Variants in SHISA6 observed in about 807,000 individuals in gnomAD.
The protein encoded by SHISA6 is protein shisa-6.
SHISA6 carries 22 observed loss-of-function variants against 47.9 expected under a neutral mutation model. The ratio of observed to expected loss-of-function variants is 0.46; its 90% confidence interval spans 0.33 to 0.66. SHISA6 has a LOEUF of 0.66. Ranked by LOEUF, SHISA6 falls within the 30% of genes least tolerant of loss-of-function variation. The probability of loss-of-function intolerance (pLI) is 0.02; values close to 1 mark genes in which losing one functional copy is unlikely to be tolerated. For synonymous variants in SHISA6, 388 were observed against 337.8 expected, an observed-to-expected ratio of 1.15 and a Z score of -1.63; for missense variants, 680 against 764.6, an observed-to-expected ratio of 0.89 and a Z score of 1.30.
chr17:11,277,319 C>CACACACACACACACA (rs1597435976), intron 2 of SHISA6, among the ~76,000 whole-genome samples: 2 of 142,702 alleles, frequency 1.4e-5, no homozygotes, highest in African/African-American at 2.7e-5. Context: ...CACACACACA[C>CACACACACACACACA]CCCGCATGTA....
At position 11,366,701 on chromosome 17, in the gene SHISA6, C is replaced by A. The variant is rs769900203; in HGVS notation, c.800-12713C>A. Reference sequence around the variant, plus strand: ...TGGATGTGAAATGAAGCTTGCAAATCGTCCTGATGGGCCTTGCTGATGATA... The same window carrying A: ...TGGATGTGAAATGAAGCTTGCAAATAGTCCTGATGGGCCTTGCTGATGATA... On this transcript the variant is annotated intron_variant, in intron 2 of 5. Coordinates refer to ENST00000441885, the MANE Select transcript of SHISA6 (RefSeq NM_207386.4). Among the ~76,000 whole-genome samples, 4 of 152,140 alleles carry A rather than the reference C, an allele frequency of 2.6e-5. No homozygotes were observed. In the East Asian group the frequency reaches 5.8e-4, roughly 22 times the overall value.
chr17:11,277,449 A>G (rs151041681), intron 2 of SHISA6, among the ~76,000 whole-genome samples: 2 of 152,120 alleles, frequency 1.3e-5, no homozygotes, highest in Admixed American at 1.3e-4. Context: ...GAGTACAGGG[A>G]TATGTCTGCT....
chr17:11,286,936 T>C (rs1909319818), intron 2 of SHISA6, among the ~76,000 whole-genome samples: 1 of 152,208 alleles, frequency 6.6e-6, no homozygotes, highest in Non-Finnish European at 1.5e-5. Flanking sequence ...TTGGTTTAAG[T>C]TTATTGATAT....
Position 11,344,328 on chromosome 17 carries a change from T to C in SHISA6, c.800-35086T>C, listed in dbSNP as rs947994056. Among the ~76,000 whole-genome samples the C allele has an allele frequency of 3.3e-5, 5 of 152,238 alleles. No individual in the cohort carries two copies. The South Asian group carries it at 1.0e-3, about 32-fold the overall frequency. ...GAAACAAAAACGTTTAAAAATATGA[T>C]GAAATACATTTTATGTATTTTTTCT... On this transcript the variant is annotated intron_variant, in intron 2 of 5. Transcript: ENST00000441885.
chr17:11,329,673 AT>A (rs1280802192), intron 2 of SHISA6, among the ~76,000 whole-genome samples: 1 of 152,084 alleles, frequency 6.6e-6, no homozygotes, highest in African/African-American at 2.4e-5. Context: ...AGCTTTCCTT[AT>A]GTGGTTTTTT....
chr17:11,241,318 C>A lies in SHISA6; in HGVS notation c.-105C>A. 1 of 706,394 alleles carries A rather than the reference C, an allele frequency of 1.4e-6. No homozygotes were observed. Among genetic ancestry groups the A allele is most frequent in the South Asian group, 6.0e-5 (1 of 16,614 alleles). 43.8% of individuals were successfully genotyped at this position (706,394 alleles called of 1,614,324 possible). ...GCCATCGCCCCGGAGCCGCTGACCGCTCAGCGCCTCCAGCCCGGCCCGCGC... is the reference window on the plus strand; with the variant it reads ...GCCATCGCCCCGGAGCCGCTGACCGATCAGCGCCTCCAGCCCGGCCCGCGC... On this transcript the variant is annotated 5_prime_UTR_variant, in exon 1 of 6. Transcript: ENST00000441885. The surrounding 1 kb of genome is among the most constrained non-coding windows in gnomAD (Gnocchi z 5.5).
At chr17:11,515,242 C>CA (rs754884133) in intron 3 of SHISA6, among the ~76,000 whole-genome samples, 6,230 of 48,216 alleles carry the variant, frequency 0.13, 252 homozygotes, top group Middle Eastern at 0.21. Flanking sequence ...GACTCTTTCT[C>CA]AAAAAAAAAA....
At chr17:11,507,161 A>G (rs953833012) in intron 3 of SHISA6, among the ~76,000 whole-genome samples, 3 of 152,242 alleles carry the variant, frequency 2.0e-5, no homozygotes, top group Non-Finnish European at 4.4e-5. Flanking sequence ...AAGAGCCAAT[A>G]AACTAATGTG....
At chr17:11,428,508 G>T (rs79173614) in intron 3 of SHISA6, among the ~76,000 whole-genome samples, 366 of 152,334 alleles carry the variant, frequency 2.4e-3, no homozygotes, top group Admixed American at 4.7e-3. Flanking sequence ...TTAAGGCAGG[G>T]ATATGTTCTA....
At chr17:11,501,479 G>T (rs1426250979) in intron 3 of SHISA6, among the ~76,000 whole-genome samples, 4 of 152,164 alleles carry the variant, frequency 2.6e-5, no homozygotes, top group Non-Finnish European at 2.9e-5. Flanking sequence ...CAAAGATTAT[G>T]AAGTGGCTAA....
chr17:11,261,533 G>A (rs1229353858), intron 1 of SHISA6, among the ~76,000 whole-genome samples: 4 of 152,174 alleles, frequency 2.6e-5, no homozygotes, highest in African/African-American at 9.7e-5. Context: ...CTGTCTTTAC[G>A]GATTTACCTA....
chr17:11,358,366 CTT>C (rs926354630), intron 2 of SHISA6, among the ~76,000 whole-genome samples: 1 of 148,750 alleles, frequency 6.7e-6, no homozygotes. Flanking sequence ...TGACAGGATT[CTT>C]TTTTTTTTGA....
intron 2 of SHISA6, among the ~76,000 whole-genome samples, chr17:11,357,663 T>A (rs1912121348): frequency 6.6e-6 from 1 of 152,240 alleles, no homozygotes; most frequent in Admixed American, 6.5e-5. Flanking sequence ...GCATCTACCC[T>A]TTGGATGTAA....
At chr17:11,415,684 A>G (rs951528671) in intron 3 of SHISA6, among the ~76,000 whole-genome samples, 2 of 152,200 alleles carry the variant, frequency 1.3e-5, no homozygotes, top group African/African-American at 4.8e-5. Flanking sequence ...AACTACATTG[A>G]TAGGTCGAGG....
intron 3 of SHISA6, among the ~76,000 whole-genome samples, chr17:11,382,430 T>C (rs1913041654): frequency 6.6e-6 from 1 of 152,050 alleles, no homozygotes; most frequent in Admixed American, 6.6e-5. Flanking sequence ...ACAGCTGGGA[T>C]CTCTGGAAAA....
intron 3 of SHISA6, among the ~76,000 whole-genome samples, chr17:11,396,559 G>A (rs187399467): frequency 2.1e-4 from 32 of 152,250 alleles, no homozygotes; most frequent in African/African-American, 5.1e-4. Flanking sequence ...TTGAGGAATC[G>A]CCACACTGTC....
chr17:11,276,637 T>C (rs1243837134), intron 2 of SHISA6, among the ~76,000 whole-genome samples: 1 of 151,468 alleles, frequency 6.6e-6, no homozygotes, highest in Non-Finnish European at 1.5e-5. Context: ...CCATCACCAA[T>C]ACCATCATCA....
chr17:11,287,120 C>A (rs1362200959), intron 2 of SHISA6, among the ~76,000 whole-genome samples: 1 of 151,898 alleles, frequency 6.6e-6, no homozygotes, highest in Non-Finnish European at 1.5e-5. Context: ...AATAGCCGGG[C>A]ATGGTGGCAT....
intron 2 of SHISA6, among the ~76,000 whole-genome samples, chr17:11,353,106 T>C (rs1339752602): frequency 1.3e-5 from 2 of 152,148 alleles, no homozygotes; most frequent in East Asian, 3.9e-4. Flanking sequence ...TCCTTCTTTA[T>C]ATGTGGTAGC....
Sources: gnomAD v4.1 joint callset for allele counts (sites outside exome capture counted in the v4.1 genomes callset) on GRCh38, gnomAD v4.1.1 for gene constraint, Gnocchi (gnomAD v3.1) non-coding constraint, MANE v1.5 for transcripts, NCBI Gene and HGNC (gene_info 2026-07-23, HGNC 2026-07-21) for gene names.